OTOA: variants seen among roughly 807,000 people sequenced by gnomAD.
The protein encoded by OTOA is otoancorin, also known as cancer/testis antigen 108.
A neutral mutation model predicts 110.8 loss-of-function variants in OTOA; 70 were observed. The ratio of observed to expected loss-of-function variants is 0.63; its 90% CI spans 0.52 to 0.77. The LOEUF (loss-of-function observed/expected upper bound fraction) is 0.77. Among genes scored for constraint, OTOA ranks in the 30% least tolerant of loss-of-function variants. The pLI is 0.00. For missense variants in OTOA, 917 were observed against 1,075.8 expected (o/e 0.85, Z 2.06); for synonymous variants, 373 against 431.5 (o/e 0.86, Z 1.68).
chr16:21,712,681 A>G (rs972545904), intron 13 of OTOA, among the ~76,000 whole-genome samples: 2 of 94,772 alleles, frequency 2.1e-5, no homozygotes, highest in African/African-American at 5.9e-5. Flanking sequence ...TCTACTAAAA[A>G]TAAAAAAAAA....
At chr16:21,705,099 A>C in intron 11 of OTOA, 70 bp from the exon 12 acceptor site, 1 of 1,612,078 alleles carries the variant, frequency 6.2e-7, no homozygotes, top group African/African-American at 1.3e-5. Context: ...ATTTTATTAC[A>C]CAAAATTGAA....
chr16:21,671,356 G>A (rs1379064548), intron 1 of OTOA, among the ~76,000 whole-genome samples: 1 of 151,976 alleles, frequency 6.6e-6, no homozygotes, highest in Non-Finnish European at 1.5e-5. Context: ...GGAGGCCAAA[G>A]TGGGTGGATC....
At chr16:21,685,425 G>T in intron 7 of OTOA, 64 bp downstream of exon 7, 1 of 1,592,142 alleles carries the variant, frequency 6.3e-7, no homozygotes, top group Non-Finnish European at 8.6e-7. Flanking sequence ...TTGTTGAATT[G>T]AATAAATGGA....
intron 8 of OTOA, among the ~76,000 whole-genome samples, chr16:21,690,854 T>C (rs942391076): frequency 1.3e-5 from 2 of 151,910 alleles, no homozygotes; most frequent in African/African-American, 4.8e-5. Flanking sequence ...CTAGGGTACA[T>C]GTGCACAACG....
intron 22 of OTOA, among the ~76,000 whole-genome samples, chr16:21,738,731 G>A (rs1262511368): frequency 1.3e-5 from 2 of 152,298 alleles, no homozygotes; most frequent in South Asian, 4.1e-4. Context: ...GTTTATATGG[G>A]TACAGGATAG....
Position 21,683,099 on chromosome 16 carries a change from G to A in OTOA, c.267+1274G>A, listed in dbSNP as rs141603664. Among the ~76,000 whole-genome samples, 34 of 152,248 alleles carry A rather than the reference G, an allele frequency of 2.2e-4. 1 individual carries two copies. The highest frequency in any genetic ancestry group is 6.8e-3 in the Middle Eastern group (2 of 294). ...TTTAATATCTACTGAGTTAACATCT[G>A]CTTTCTGCCAGGCATAGCTCTAGAC... On this transcript the variant is annotated intron_variant, in intron 6 of 28. Transcript: ENST00000646100.
At chr16:21,711,612 G>A (rs1006217722) in intron 13 of OTOA, among the ~76,000 whole-genome samples, 4 of 152,118 alleles carry the variant, frequency 2.6e-5, no homozygotes, top group African/African-American at 9.7e-5. Context: ...GGGATTATAG[G>A]CACCCACCAC....
intron 10 of OTOA, among the ~76,000 whole-genome samples, chr16:21,699,488 T>G (rs1386804559): frequency 6.6e-6 from 1 of 151,760 alleles, no homozygotes; most frequent in Non-Finnish European, 1.5e-5. Context: ...AATTTAAAAA[T>G]TAGCCAGGTG....
rs554609033 is a variant in OTOA at position 21,701,144 on chromosome 16, G to T, written c.980+117G>T. 2.1e-6 allele frequency: 3 copies of T among 1,451,486 alleles called. No homozygotes were observed. In the East Asian group the frequency reaches 6.9e-5, roughly 33 times the overall value. The allele number at this position is 1,451,486 out of a possible 1,614,324, so 89.9% of individuals were successfully genotyped here. ...AGGGAGGTGGCTGGTCCATCTCTTT[G>T]AATAGTCCCATATTTCTCTGTGCAT... On this transcript the variant is annotated intron_variant, in intron 11 of 28. Transcript: ENST00000646100.
intron 11 of OTOA, among the ~76,000 whole-genome samples, chr16:21,703,799 T>A (rs144704156): frequency 8.1e-4 from 124 of 152,302 alleles, no homozygotes; most frequent in Non-Finnish European, 1.4e-3. Context: ...CTAAGAGCAT[T>A]CATTAATGAA....
At chr16:21,700,732 A>AG (rs1198635462) in intron 10 of OTOA, among the ~76,000 whole-genome samples, 156 bp from the exon 11 acceptor site, 1 of 150,992 alleles carries the variant, frequency 6.6e-6, no homozygotes, top group African/African-American at 2.4e-5. Flanking sequence ...CTCAAAAAAA[A>AG]AAAAAAAGAA....
intron 1 of OTOA, among the ~76,000 whole-genome samples, chr16:21,677,207 TA>T (rs1361658041): frequency 1.3e-5 from 2 of 152,174 alleles, no homozygotes; most frequent in African/African-American, 4.8e-5. Flanking sequence ...CTTAAATACC[TA>T]GGGGTGGCAT....
chr16:21,679,276 G>A (rs989262712), intron 5 of OTOA, 65 bp downstream of exon 5: 1 of 1,532,018 alleles, frequency 6.5e-7, no homozygotes, highest in Admixed American at 1.7e-5. Flanking sequence ...CTTAATGGAA[G>A]TCTCTTAATT....
rs57835405 is a variant in OTOA at position 21,720,896 on chromosome 16, CATTATTATT to C, written c.1806+1410_1806+1418del. Among the ~76,000 whole-genome samples the C allele has an allele frequency of 9.5e-5, 14 of 147,198 alleles. 1 individual carries two copies. Among genetic ancestry groups the C allele is most frequent in the Non-Finnish European group, 1.6e-4 (11 of 67,062 alleles). Reference sequence around the variant, plus strand: ...TCTCGTTTATATTTTTACTAAAACACATTATTATTATTATTATTATTATTATCATTATTA... The same window carrying C: ...TCTCGTTTATATTTTTACTAAAACACATTATTATTATTATTATCATTATTA... On this transcript the variant is annotated intron_variant, in intron 17 of 28. Transcript: ENST00000646100.
At chr16:21,697,698 C>A in intron 9 of OTOA, 77 bp from the exon 10 acceptor site, 1 of 1,276,500 alleles carries the variant, frequency 7.8e-7, no homozygotes, top group Non-Finnish European at 1.1e-6. Flanking sequence ...AGCAAAGATG[C>A]TGTTGACTAT....
chr16:21,694,194 A>G (rs1396134051), intron 9 of OTOA, among the ~76,000 whole-genome samples: 1 of 152,134 alleles, frequency 6.6e-6, no homozygotes, highest in Non-Finnish European at 1.5e-5. Flanking sequence ...TAATCCCAGC[A>G]CTTTGGGAGG....
chr16:21,724,977 C>T (rs28711110), intron 18 of OTOA, among the ~76,000 whole-genome samples: 8 of 151,890 alleles, frequency 5.3e-5, no homozygotes, highest in Non-Finnish European at 7.4e-5. Flanking sequence ...AGGGTTTCAC[C>T]GTGATGGCCA....
At chr16:21,707,552 T>TCCTC (rs1031299267) in intron 12 of OTOA, among the ~76,000 whole-genome samples, 27 of 149,122 alleles carry the variant, frequency 1.8e-4, no homozygotes, top group African/African-American at 2.7e-4. Context: ...TTCCCTCCCT[T>TCCTC]CCTCCCTCCC....
At chr16:21,695,892 T>TATATATATATATATATATATATATATA (rs377002847) in intron 9 of OTOA, among the ~76,000 whole-genome samples, 1 of 21,086 alleles carries the variant, frequency 4.7e-5, no homozygotes, top group Non-Finnish European at 8.7e-5. Flanking sequence ...TATATATATA[T>TATATATATATATATATATATATATATA]TTTTTTTTTT....
Sources: gnomAD v4.1 joint callset for allele counts (sites outside exome capture counted in the v4.1 genomes callset) on GRCh38, gnomAD v4.1.1 for gene constraint, MANE v1.5 for transcripts, NCBI Gene and HGNC (gene_info 2026-07-23, HGNC 2026-07-21) for gene names.